The following PLB1 variants were observed in gnomAD, a reference collection of about 807,000 sequenced individuals.
PLB1 encodes the protein phospholipase B1, membrane-associated.
PLB1 carries 242 observed loss-of-function variants against 227.4 expected under a neutral mutation model. That is an observed-to-expected ratio of 1.06 (90% confidence interval 0.96 to 1.18). The LOEUF (loss-of-function observed/expected upper bound fraction) is 1.18. PLB1 is among the 50% of genes most tolerant of loss of function. The pLI, the probability that PLB1 is intolerant of heterozygous loss-of-function variation, is 0.00. For synonymous variants in PLB1, 757 were observed against 682.2 expected, an observed-to-expected ratio of 1.11 and a Z score of -1.71; for missense variants, 1,858 against 1,816.3, an observed-to-expected ratio of 1.02 and a Z score of -0.42.
intron 4 of PLB1, 41 bp downstream of exon 4, chr2:28,519,804 GTAC>G (rs1447322559): frequency 7.8e-6 from 12 of 1,532,664 alleles, no homozygotes; most frequent in Non-Finnish European, 1.1e-5. Context: ...ACAGAGTTTG[GTAC>G]TGATGATCCT....
rs890309218 is a variant in PLB1, at chr2:28,518,672, C to G, written c.184+140C>G. 3 of 621,396 alleles carry G rather than the reference C, an allele frequency of 4.8e-6. No individual in the cohort carries two copies. In the African/African-American group the frequency reaches 5.6e-5, roughly 12 times the overall value. The allele number at this position is 621,396 out of a possible 1,614,324, so 38.5% of individuals were successfully genotyped here. ...CCTTATCCTCAGTCCCTCAGTGTGA[C>G]AGATGATTTCCCAGTCATCTGTCAT... On this transcript the variant is annotated intron_variant, in intron 3 of 57. Coordinates refer to ENST00000327757, the MANE Select transcript of PLB1 (RefSeq NM_153021.5).
intron 55 of PLB1, among the ~76,000 whole-genome samples, chr2:28,632,531 T>C (rs1688773412): frequency 6.6e-6 from 1 of 152,176 alleles, no homozygotes; most frequent in Admixed American, 6.5e-5. Context: ...GGCTCATGCC[T>C]GTAATCTCAG....
At position 28,626,518 on chromosome 2, in the gene PLB1, CGACCAACCCCATGGG is replaced by C; in HGVS notation, c.3660+15_3660+29del. ...TTACTGTGAGAATCCGGTAGGCCCC[CGACCAACCCCATGGG>C]GACCTGAGAAGGAAGGTGCTGACCT... On this transcript the variant is annotated intron_variant, in intron 51 of 57. Transcript: ENST00000327757. The C allele has an allele frequency of 6.2e-7, 1 of 1,611,984 alleles. No homozygotes were observed. The highest frequency in any genetic ancestry group is 8.5e-7 in the Non-Finnish European group (1 of 1,178,046).
intron 1 of PLB1, 43 bp from the exon 2 acceptor site, chr2:28,516,765 T>A: frequency 6.3e-7 from 1 of 1,575,368 alleles, no homozygotes; most frequent in Non-Finnish European, 8.7e-7. Context: ...GGGTGGGAGT[T>A]AATTCCAGCT....
Position 28,591,567 on chromosome 2 carries a change from G to A in PLB1, c.2128-133G>A, listed in dbSNP as rs1681941229. ...ATCACCTAGGGAGCCTTCTTCAAAG[G>A]CCCTTTTGAGGCCCCTCCCTAGGAG... On this transcript the variant is annotated intron_variant, in intron 30 of 57. Transcript: ENST00000327757. The A allele has an allele frequency of 1.4e-5, 12 of 860,970 alleles. No homozygotes were observed. In the South Asian group the frequency reaches 2.0e-4, roughly 14 times the overall value. The allele number at this position is 860,970 out of a possible 1,614,324, so 53.3% of individuals were successfully genotyped here.
chr2:28,530,214 G>A (rs1418166256), intron 8 of PLB1, among the ~76,000 whole-genome samples: 1 of 152,208 alleles, frequency 6.6e-6, no homozygotes, highest in Non-Finnish European at 1.5e-5. Context: ...AAAGTCAGCA[G>A]ATGGACTAAA....
Position 28,538,349 on chromosome 2 carries a change from C to G in PLB1, c.586C>G (p.Leu196Val). ...GCTTGCGGCGGGCGGCGTGGATGAG[C>G]TGATGGGGGTGCTGGACTACCTGCA... ...NGLAAGGVDE[L>V]MGVLDYLQQE... Residue 196 changes from leucine (L) to valine (V), a missense_variant, in exon 10 of 58, where the codon CTG becomes GTG. By Grantham distance (32) the Leu-to-Val change is conservative. Coordinates refer to ENST00000327757, the MANE Select transcript of PLB1 (RefSeq NM_153021.5). The G allele has an allele frequency of 6.2e-7, 1 of 1,612,764 alleles. No individual in the cohort carries two copies. Among genetic ancestry groups the G allele is most frequent in the South Asian group, 1.1e-5 (1 of 90,972 alleles).
chr2:28,500,663 C>A (rs1666985447), intron 1 of PLB1, among the ~76,000 whole-genome samples: 1 of 151,500 alleles, frequency 6.6e-6, no homozygotes, highest in Admixed American at 6.6e-5. Flanking sequence ...ATATGAAATT[C>A]ATCTATGGGG....
chr2:28,524,774 G>C (rs1329054087), intron 4 of PLB1, among the ~76,000 whole-genome samples: 7 of 151,884 alleles, frequency 4.6e-5, no homozygotes, highest in Admixed American at 4.6e-4. Context: ...ATGCTGCAGA[G>C]GAAGCCAAGA....
At chr2:28,565,936 C>A (rs890595493) in intron 19 of PLB1, among the ~76,000 whole-genome samples, 1 of 152,150 alleles carries the variant, frequency 6.6e-6, no homozygotes, top group Non-Finnish European at 1.5e-5. Flanking sequence ...GGGCAAGTAA[C>A]CTGACCAAGA....
chr2:28,631,006 A>G (rs946532542), intron 54 of PLB1, among the ~76,000 whole-genome samples: 1 of 151,952 alleles, frequency 6.6e-6, no homozygotes, highest in African/African-American at 2.4e-5. Context: ...CAAAAGGCTT[A>G]GGCCCGACAC....
At chr2:28,512,336 A>G (rs1668377484) in intron 1 of PLB1, among the ~76,000 whole-genome samples, 1 of 151,760 alleles carries the variant, frequency 6.6e-6, no homozygotes, top group Non-Finnish European at 1.5e-5. Flanking sequence ...ATTTTATATC[A>G]CTTCTATTTG....
chr2:28,621,238 C>G (rs1475730651), intron 49 of PLB1, among the ~76,000 whole-genome samples: 2 of 152,112 alleles, frequency 1.3e-5, no homozygotes, highest in African/African-American at 4.8e-5. Flanking sequence ...GAATCAGGAG[C>G]CTTTGCTCTG....
chr2:28,546,469 C>T (rs762529553), intron 14 of PLB1, among the ~76,000 whole-genome samples: 8 of 152,144 alleles, frequency 5.3e-5, no homozygotes, highest in Admixed American at 1.3e-4. Flanking sequence ...GTTCATTCCT[C>T]GGTGGCAGGA....
chr2:28,632,099 G>T lies in PLB1; in HGVS notation c.3961G>T (p.Val1321Leu), dbSNP rs199701473. Residue 1321 changes from valine to leucine, a missense_variant, in exon 55 of 58, where the codon GTG (valine) becomes TTG (leucine). Coordinates refer to ENST00000327757, the MANE Select transcript of PLB1 (RefSeq NM_153021.5). Reference protein sequence around the residue: ...YTQREDFAVVVQPFFQNTLTP... With the variant: ...YTQREDFAVVLQPFFQNTLTP... Reference sequence around the variant, plus strand: ...ACAGCGTGAGGACTTTGCGGTTGTGGTGCAGCCTTTCTTCCAAAACACACT... The same window carrying T: ...ACAGCGTGAGGACTTTGCGGTTGTGTTGCAGCCTTTCTTCCAAAACACACT... 2.5e-6 allele frequency: 4 copies of T among 1,614,164 alleles called. No homozygotes were observed. Among genetic ancestry groups the T allele is most frequent in the Middle Eastern group, 1.7e-4 (1 of 6,060 alleles).
intron 56 of PLB1, among the ~76,000 whole-genome samples, chr2:28,637,145 T>G (rs774415060): frequency 6.6e-6 from 1 of 151,718 alleles, no homozygotes; most frequent in Non-Finnish European, 1.5e-5. Flanking sequence ...AATACAAAAT[T>G]AGCCAAGCGT....
At chr2:28,564,078 A>C (rs550727802) in intron 18 of PLB1, among the ~76,000 whole-genome samples, 2 of 152,276 alleles carry the variant, frequency 1.3e-5, no homozygotes, top group East Asian at 3.9e-4. Flanking sequence ...AATCTCTACA[A>C]AAAAGAAAAG....
At chr2:28,576,572 A>G (rs1678981106) in intron 21 of PLB1, among the ~76,000 whole-genome samples, 2 of 152,200 alleles carry the variant, frequency 1.3e-5, no homozygotes. Context: ...TCTACTAAAA[A>G]TACAACAATT....
chr2:28,545,060 C>T (rs1242369771), intron 14 of PLB1, among the ~76,000 whole-genome samples: 1 of 152,176 alleles, frequency 6.6e-6, no homozygotes, highest in African/African-American at 2.4e-5. Context: ...AAGGTACACC[C>T]CACGTACGGT....
Sources: gnomAD v4.1 joint callset for allele counts (sites outside exome capture counted in the v4.1 genomes callset) on GRCh38, gnomAD v4.1.1 for gene constraint, MANE v1.5 for transcripts, NCBI Gene and HGNC (gene_info 2026-07-23, HGNC 2026-07-21) for gene names.